Variants in YWHAZ observed in about 807,000 individuals in gnomAD.
YWHAZ encodes the protein 14-3-3 protein zeta/delta.
For synonymous variants in YWHAZ, 87 were observed against 103.6 expected, an observed-to-expected ratio of 0.84 and a Z score of 0.97; for missense variants, 79 against 284.8, an observed-to-expected ratio of 0.28 and a Z score of 5.20.
chr8:100,930,521 C>T (rs577665025), intron 2 of YWHAZ, among the ~76,000 whole-genome samples: 1 of 152,320 alleles, frequency 6.6e-6, no homozygotes, highest in Non-Finnish European at 1.5e-5. Context: ...AAAATTCAAG[C>T]ACATCCTACA....
upstream of YWHAZ, chr8:100,953,161 G>C: frequency 3.0e-6 from 3 of 985,836 alleles, no homozygotes; most frequent in Non-Finnish European, 2.4e-6. Flanking sequence ...TTGACCCGGA[G>C]ACAGGCAGTC....
In YWHAZ at chr8:100,917,061, A is replaced by G. The variant is rs1007297769; in HGVS notation, c.*3632T>C. On this transcript the variant is annotated 3_prime_UTR_variant, in exon 6 of 6. Transcript: ENST00000395958. ...TTTCCCTAGAGGAATGTGTAAGACC[A>G]TCATTGAGCATAGAGCACCAGTTTT... The G allele has an allele frequency of 2.0e-5, 3 of 152,128 alleles. No individual in the cohort carries two copies. Among genetic ancestry groups the G allele is most frequent in the Non-Finnish European group, 4.4e-5 (3 of 68,040 alleles). 9.4% of individuals were successfully genotyped at this position (152,128 alleles called of 1,614,324 possible).
intron 2 of YWHAZ, among the ~76,000 whole-genome samples, chr8:100,928,436 AAAAGAACATTT>A (rs1813519042): frequency 6.6e-6 from 1 of 152,152 alleles, no homozygotes; most frequent in Non-Finnish European, 1.5e-5. Context: ...AGCTAACTAT[AAAAGAACATTT>A]TCTGCCAGGT....
rs886695817 is a variant in YWHAZ at position 100,948,898 on chromosome 8, G to A, written c.-9C>T. 4.4e-6 allele frequency: 7 copies of A among 1,576,768 alleles called. No individual in the cohort carries two copies. Among genetic ancestry groups the A allele is most frequent in the East Asian group, 2.2e-5 (1 of 44,556 alleles). On this transcript the variant is annotated splice_region_variant and 5_prime_UTR_variant, in exon 2 of 6. Coordinates refer to ENST00000395958, the MANE Select transcript of YWHAZ (RefSeq NM_145690.3). This position sits in a 1 kb window ranked among gnomAD's most constrained non-coding sequence, Gnocchi z 4.2. ...AGCTCATTTTTATCCATGACTGGAT[G>A]TTCTGCAGGGGGGAAAAAAGGAGTA... is the stretch of plus-strand genomic sequence containing the variant.
intron 2 of YWHAZ, among the ~76,000 whole-genome samples, chr8:100,944,117 A>T (rs73697344): frequency 6.6e-6 from 1 of 152,202 alleles, no homozygotes; most frequent in African/African-American, 2.4e-5. Flanking sequence ...AATATACAGT[A>T]TATCTTAATA....
intron 1 of YWHAZ, chr8:100,950,591 A>G (rs1213723167): frequency 2.0e-6 from 2 of 985,176 alleles, no homozygotes; most frequent in Non-Finnish European, 2.4e-6. Flanking sequence ...AACCTACTGC[A>G]GAGTGTTAAT....
chr8:100,919,955 G>A lies in YWHAZ; in HGVS notation c.*738C>T, dbSNP rs1356354116. On this transcript the variant is annotated 3_prime_UTR_variant, in exon 6 of 6. Transcript: ENST00000395958. ...TTTTACTGCTGTGCTTGATATACAT[G>A]AAGTAATGAATACCAAGCAATTCAT... 6.6e-6 allele frequency: 1 copy of A among 151,886 alleles called. No individual in the cohort carries two copies. The highest frequency in any genetic ancestry group is 2.4e-5 in the African/African-American group (1 of 41,224). 9.4% of individuals were successfully genotyped at this position (151,886 alleles called of 1,614,324 possible).
In YWHAZ at chr8:100,950,663, G is replaced by T. The variant is rs910044686; in HGVS notation, c.-12+1266C>A. 303 of 909,882 alleles carry T rather than the reference G, an allele frequency of 3.3e-4. 8 individuals are homozygous for T. Among genetic ancestry groups the T allele is most frequent in the Non-Finnish European group, 3.8e-4 (290 of 761,616 alleles). The allele number at this position is 909,882 out of a possible 1,614,324, so 56.4% of individuals were successfully genotyped here. ...CGCGCCCCCGCCCAAGCCGTGGGGGGGGGGGAGAGATGGGGAGCGAAGCCG... is the reference window on the plus strand; with the variant it reads ...CGCGCCCCCGCCCAAGCCGTGGGGGTGGGGGAGAGATGGGGAGCGAAGCCG... On this transcript the variant is annotated intron_variant, in intron 1 of 5. Transcript: ENST00000395958.
In YWHAZ at chr8:100,948,423, C is replaced by T. The variant is rs1034668441; in HGVS notation, c.294+173G>A. On this transcript the variant is annotated intron_variant, in intron 2 of 5. Transcript: ENST00000395958. This position sits in a 1 kb window ranked among gnomAD's most constrained non-coding sequence, Gnocchi z 4.2. ...CATTGTTGCAATTATTTTACATACA[C>T]GTATCTATAATTGTCTTAACATCTT... Among the ~76,000 whole-genome samples the T allele has an allele frequency of 2.3e-4, 35 of 152,100 alleles. No homozygotes were observed.
chr8:100,929,110 A>G (rs953812597), intron 2 of YWHAZ, among the ~76,000 whole-genome samples: 7 of 152,192 alleles, frequency 4.6e-5, no homozygotes, highest in African/African-American at 1.7e-4. Flanking sequence ...ATAGTTGTAA[A>G]TATTTTGGGG....
chr8:100,920,494 A>G lies in YWHAZ; in HGVS notation c.*199T>C, dbSNP rs1326137020. 2 of 590,370 alleles carry G rather than the reference A, an allele frequency of 3.4e-6. No homozygotes were observed. The highest frequency in any genetic ancestry group is 5.9e-6 in the Non-Finnish European group (2 of 338,310). 36.6% of individuals were successfully genotyped at this position (590,370 alleles called of 1,614,324 possible). A position where few individuals can be genotyped will look rare whatever the true frequency, so the allele number is the denominator to read the frequency against. On this transcript the variant is annotated 3_prime_UTR_variant, in exon 6 of 6. Transcript: ENST00000395958. ...ATATTGGCCACCTCAAGATGAAAAC[A>G]GATAACTCCCTAAATGTTAACTGGC...
At chr8:100,923,077 T>C (rs931673408) in intron 5 of YWHAZ, 6 of 152,302 alleles carry the variant, frequency 3.9e-5, no homozygotes, top group East Asian at 1.9e-4. Context: ...AACTGGTTTA[T>C]AGAAAATGGC....
chr8:100,935,594 G>A (rs370854180), intron 2 of YWHAZ, among the ~76,000 whole-genome samples: 15 of 152,192 alleles, frequency 9.9e-5, no homozygotes, highest in African/African-American at 3.6e-4. Flanking sequence ...CAGCAGCAAA[G>A]GGGCAGGCTA....
At chr8:100,941,164 T>C (rs888906130) in intron 2 of YWHAZ, among the ~76,000 whole-genome samples, 1 of 152,266 alleles carries the variant, frequency 6.6e-6, no homozygotes, top group African/African-American at 2.4e-5. Flanking sequence ...GCCTATATAA[T>C]ACTACCTTCA....
At chr8:100,933,716 A>T (rs762071261) in intron 2 of YWHAZ, among the ~76,000 whole-genome samples, 4 of 152,182 alleles carry the variant, frequency 2.6e-5, no homozygotes, top group Non-Finnish European at 4.4e-5. Context: ...CTGTCAATAA[A>T]GGACTAACGG....
At chr8:100,925,167 T>C (rs1274836344) in intron 2 of YWHAZ, 128 bp from the exon 3 acceptor site, 8 of 960,532 alleles carry the variant, frequency 8.3e-6, no homozygotes, top group Middle Eastern at 2.6e-4. Context: ...GTCAATACAA[T>C]TGTGAATGCA....
Position 100,917,944 on chromosome 8 carries a change from A to G in YWHAZ, c.*2749T>C, listed in dbSNP as rs986112336. On this transcript the variant is annotated 3_prime_UTR_variant, in exon 6 of 6. Transcript: ENST00000395958. Reference sequence around the variant, plus strand: ...ACTACTATGTAGAAAACATTAGTTAATACTAGTGAAGTGTTTTCATTATTC... The same window carrying G: ...ACTACTATGTAGAAAACATTAGTTAGTACTAGTGAAGTGTTTTCATTATTC... 1 of 152,244 alleles carries G rather than the reference A, an allele frequency of 6.6e-6. No homozygotes were observed. Among genetic ancestry groups the G allele is most frequent in the Non-Finnish European group, 1.5e-5 (1 of 68,040 alleles). 9.4% of individuals were successfully genotyped at this position (152,244 alleles called of 1,614,324 possible).
intron 5 of YWHAZ, among the ~76,000 whole-genome samples, chr8:100,921,044 T>G (rs1812991341): frequency 1.3e-5 from 2 of 148,624 alleles, no homozygotes; most frequent in African/African-American, 2.6e-5. Flanking sequence ...GAAATAATAC[T>G]TTTTTTTTGA....
chr8:100,951,374 G>A (rs931754346), intron 1 of YWHAZ: 4 of 983,542 alleles, frequency 4.1e-6, no homozygotes, highest in African/African-American at 3.5e-5. Flanking sequence ...GGGTCCCGCC[G>A]CCGCAGCGCC....
Sources: gnomAD v4.1 joint callset for allele counts (sites outside exome capture counted in the v4.1 genomes callset) on GRCh38, gnomAD v4.1.1 for gene constraint, Gnocchi (gnomAD v3.1) non-coding constraint, MANE v1.5 for transcripts, NCBI Gene and HGNC (gene_info 2026-07-23, HGNC 2026-07-21) for gene names.